AFG3L2: variants seen among roughly 807,000 people sequenced by gnomAD.
AFG3L2 encodes the protein AFG3 like matrix AAA peptidase subunit 2.
A neutral mutation model predicts 94.5 loss-of-function variants in AFG3L2; 54 were observed. The ratio of observed to expected loss-of-function variants is 0.57; its 90% CI spans 0.46 to 0.72. The LOEUF (loss-of-function observed/expected upper bound fraction) is 0.72, where lower values mean the gene tolerates loss of function less well. Ranked by LOEUF, AFG3L2 falls within the 30% of genes least tolerant of loss-of-function variation. AFG3L2 has a pLI of 0.00. For synonymous variants in AFG3L2, 377 were observed against 365.5 expected (o/e 1.03, Z -0.36); for missense variants, 754 against 994.9 (o/e 0.76, Z 3.26).
At position 12,356,646 on chromosome 18, in the gene AFG3L2, A is replaced by G. The variant is rs765021408; in HGVS notation, c.1164+48T>C. ...TAGCAAGTGCCTCCATCTGTGGTGA[A>G]GTGGTGGGTGCAAGGAAGCTGTACC... On this transcript the variant is annotated intron_variant, in intron 9 of 16. Coordinates refer to ENST00000269143, the MANE Select transcript of AFG3L2 (RefSeq NM_006796.3). The G allele has an allele frequency of 2.0e-5, 33 of 1,613,470 alleles. No homozygotes were observed. In the Admixed American group the frequency reaches 5.5e-4, roughly 27 times the overall value.
intron 9 of AFG3L2, among the ~76,000 whole-genome samples, chr18:12,353,397 C>T (rs1470426993): frequency 6.6e-6 from 1 of 150,914 alleles, no homozygotes; most frequent in Non-Finnish European, 1.5e-5. Context: ...GCCTGTGATC[C>T]CAGCTACTCA....
chr18:12,331,813 ATATATATATATAT>A (rs1568131362), intron 16 of AFG3L2, among the ~76,000 whole-genome samples: 213 of 3,030 alleles, frequency 0.07, 1 homozygote, highest in South Asian at 0.37. Flanking sequence ...AAATAAATAT[ATATATATATATAT>A]ATATATATAT....
chr18:12,337,554 G>A lies in AFG3L2; in HGVS notation c.1981-19C>T, dbSNP rs763078921. 2.5e-6 allele frequency: 4 copies of A among 1,611,492 alleles called. No homozygotes were observed. Among genetic ancestry groups the A allele is most frequent in the Non-Finnish European group, 3.4e-6 (4 of 1,177,806 alleles). ...GAACAATCTGAAAAATACATAATTA[G>A]TGGTGATTACATATGATTGTTCTTT... On this transcript the variant is annotated intron_variant, in intron 15 of 16. Transcript: ENST00000269143.
chr18:12,340,405 G>A lies in AFG3L2; in HGVS notation c.1780-4C>T, dbSNP rs1477129589. On this transcript the variant is annotated splice_region_variant and splice_polypyrimidine_tract_variant and intron_variant, in intron 14 of 16. Transcript: ENST00000269143. The stretch of plus-strand genomic sequence containing the variant: ...TGCCACGTGGGATGATGGATACCTG[G>A]TAAGTAGAAAACAGTGTTGAAGATC... The A allele has an allele frequency of 1.2e-6, 2 of 1,610,734 alleles. No homozygotes were observed. The highest frequency in any genetic ancestry group is 1.7e-6 in the Non-Finnish European group (2 of 1,176,966).
intron 16 of AFG3L2, 53 bp from the exon 17 acceptor site, chr18:12,329,836 G>A (rs2143074995): frequency 2.7e-6 from 4 of 1,495,792 alleles, no homozygotes; most frequent in South Asian, 1.1e-5. Flanking sequence ...AGTCTATTCA[G>A]AAATATTAAT....
At position 12,367,266 on chromosome 18, in the gene AFG3L2, A is replaced by T; in HGVS notation, c.399+10T>A. The T allele has an allele frequency of 6.2e-7, 1 of 1,614,196 alleles. No homozygotes were observed. Among genetic ancestry groups the T allele is most frequent in the African/African-American group, 1.3e-5 (1 of 75,064 alleles). On this transcript the variant is annotated intron_variant, in intron 4 of 16. Transcript: ENST00000269143. Reference sequence around the variant, plus strand: ...TAACCTCAAAATTCACACAATGTATAGCATCAAACCTTCTGAAACCTGGAC... The same window carrying T: ...TAACCTCAAAATTCACACAATGTATTGCATCAAACCTTCTGAAACCTGGAC...
At position 12,352,342 on chromosome 18, in the gene AFG3L2, A is replaced by ACT. The variant is rs538381974; in HGVS notation, c.1318+662_1318+663insAG. On this transcript the variant is annotated intron_variant, in intron 10 of 16. Transcript: ENST00000269143. ...CCCCTATGCCTGGCTTCATCATTGA[A>ACT]GCCAGTTCAGTACTGGCACTGTGCT... 4.1e-3 allele frequency among the ~76,000 whole-genome samples: 619 copies of ACT among 152,278 alleles called. 3 individuals are homozygous for ACT. The highest frequency in any genetic ancestry group is 6.5e-3 in the Non-Finnish European group (439 of 68,006).
At chr18:12,370,073 A>T (rs1448303211) in intron 3 of AFG3L2, among the ~76,000 whole-genome samples, 1 of 151,164 alleles carries the variant, frequency 6.6e-6, no homozygotes, top group Non-Finnish European at 1.5e-5. Flanking sequence ...AAAAAAAAAA[A>T]AAAAAGCAAG....
chr18:12,368,655 C>CAAT (rs1266506385), intron 3 of AFG3L2, among the ~76,000 whole-genome samples: 1 of 152,062 alleles, frequency 6.6e-6, no homozygotes, highest in Non-Finnish European at 1.5e-5. Flanking sequence ...GGCTGGAGTA[C>CAAT]AATGGCGTGA....
chr18:12,369,711 CA>C (rs1209554607), intron 3 of AFG3L2, among the ~76,000 whole-genome samples: 234 of 89,552 alleles, frequency 2.6e-3, no homozygotes, highest in Middle Eastern at 8.6e-3. Context: ...GACCCCTCCT[CA>C]AAAAAAAAAA....
At chr18:12,333,485 C>T (rs143148696) in intron 16 of AFG3L2, among the ~76,000 whole-genome samples, 3 of 150,702 alleles carry the variant, frequency 2.0e-5, no homozygotes, top group East Asian at 3.9e-4. Context: ...CCATCTCAGC[C>T]TCCAAGTAGC....
intron 1 of AFG3L2, among the ~76,000 whole-genome samples, chr18:12,374,490 C>A (rs1334648366): frequency 6.6e-6 from 1 of 152,170 alleles, no homozygotes; most frequent in Non-Finnish European, 1.5e-5. Context: ...GACTCCCTCA[C>A]AGCACAGTAA....
At chr18:12,346,956 G>A (rs575984093) in intron 13 of AFG3L2, among the ~76,000 whole-genome samples, 18 of 149,014 alleles carry the variant, frequency 1.2e-4, no homozygotes, top group African/African-American at 4.4e-4. Flanking sequence ...GGCCAACGTG[G>A]TGAAACCCCA....
chr18:12,359,824 G>T, intron 7 of AFG3L2, 103 bp downstream of exon 7: 1 of 1,449,684 alleles, frequency 6.9e-7, no homozygotes, highest in Non-Finnish European at 9.6e-7. Context: ...ACTGATAAAG[G>T]CCTGTTTGAG....
chr18:12,344,471 T>A (rs201358663), intron 13 of AFG3L2, among the ~76,000 whole-genome samples: 2 of 151,990 alleles, frequency 1.3e-5, no homozygotes, highest in South Asian at 4.1e-4. Context: ...GGTGAGGAGT[T>A]CGAGACCAGC....
At chr18:12,358,072 T>C (rs150381591) in intron 8 of AFG3L2, among the ~76,000 whole-genome samples, 70 of 152,378 alleles carry the variant, frequency 4.6e-4, no homozygotes, top group African/African-American at 1.6e-3. Context: ...TCATGGACTT[T>C]TAAAAGAATT....
chr18:12,371,561 T>C (rs960478088), intron 2 of AFG3L2, 31 bp downstream of exon 2: 19 of 1,589,308 alleles, frequency 1.2e-5, no homozygotes, highest in Admixed American at 3.3e-5. Context: ...CCTAAGAATG[T>C]AGAACACTAC....
In AFG3L2 at chr18:12,329,566, T is replaced by C; in HGVS notation, c.2393A>G (p.Ter798TrpextTer32). Residue 798 changes from the stop codon to tryptophan, a stop_lost, in exon 17 of 17, where the codon TAG becomes TGG. Transcript: ENST00000269143. Reference protein sequence around the residue: ...EEPPGEKVAN* With the variant: ...EEPPGEKVANW The stretch of plus-strand genomic sequence containing the variant: ...CTGAGATGGCCTCCCTCTGGGCCTC[T>C]AGTTGGCAACTTTCTCACCCGGGGG... 1.2e-6 allele frequency: 2 copies of C among 1,613,814 alleles called. No individual in the cohort carries two copies. Among genetic ancestry groups the C allele is most frequent in the East Asian group, 2.2e-5 (1 of 44,890 alleles).
In AFG3L2 at chr18:12,329,449, G is replaced by T; in HGVS notation, c.*116C>A. On this transcript the variant is annotated 3_prime_UTR_variant, in exon 17 of 17. Coordinates refer to ENST00000269143, the MANE Select transcript of AFG3L2 (RefSeq NM_006796.3). Reference sequence around the variant, plus strand: ...GACTCCTTTCCCCATCATTTCAGCTGGGCCAGTGGCTGGCTAAAATCAGCG... The same window carrying T: ...GACTCCTTTCCCCATCATTTCAGCTTGGCCAGTGGCTGGCTAAAATCAGCG... The T allele has an allele frequency of 9.2e-7, 1 of 1,088,576 alleles. No individual in the cohort carries two copies. Among genetic ancestry groups the T allele is most frequent in the Non-Finnish European group, 1.4e-6 (1 of 706,704 alleles). 67.4% of individuals were successfully genotyped at this position (1,088,576 alleles called of 1,614,324 possible). A position where few individuals can be genotyped will look rare whatever the true frequency, so the allele number is the denominator to read the frequency against.
Sources: allele counts gnomAD v4.1 joint callset (sites outside exome capture counted in the v4.1 genomes callset), GRCh38; gene constraint gnomAD v4.1.1; transcripts MANE v1.5; gene names NCBI Gene and HGNC (gene_info 2026-07-23, HGNC 2026-07-21).